The following NRXN1 variants were observed in gnomAD, a reference collection of about 807,000 sequenced individuals.
NRXN1 encodes neurexin 1.
Under a neutral mutation model 150.9 loss-of-function variants are expected in NRXN1, and 39 were observed. The observed-to-expected ratio is 0.26, with a 90% CI of 0.20 to 0.34. The LOEUF is 0.34. NRXN1 is among the 10% of genes least tolerant of loss of function. NRXN1 has a pLI of 1.00. For synonymous variants in NRXN1, 924 were observed against 757.0 expected, an observed-to-expected ratio of 1.22 and a Z score of -3.62; for missense variants, 1,815 against 1,949.9, an observed-to-expected ratio of 0.93 and a Z score of 1.30.
At chr2:50,086,837 AGAGAGAGAGAGAGC>A (rs1297244565) in intron 19 of NRXN1, among the ~76,000 whole-genome samples, 1 of 150,496 alleles carries the variant, frequency 6.6e-6, no homozygotes, top group South Asian at 2.1e-4. Flanking sequence ...AGAGAGAGAG[AGAGAGAGAGAGAGC>A]GAGCCGAAAA....
intron 19 of NRXN1, among the ~76,000 whole-genome samples, chr2:50,081,879 ACTT>A (rs1247251245): frequency 1.3e-5 from 2 of 152,160 alleles, no homozygotes; most frequent in African/African-American, 2.4e-5. Flanking sequence ...TGGGAATGTG[ACTT>A]CTTCTTCCAT....
intron 17 of NRXN1, among the ~76,000 whole-genome samples, chr2:50,399,523 G>A (rs1231743476): frequency 6.6e-6 from 1 of 151,828 alleles, no homozygotes; most frequent in Non-Finnish European, 1.5e-5. Flanking sequence ...TATTGGGAGA[G>A]CTTTTATAAG....
At chr2:50,385,935 C>A (rs113995645) in intron 17 of NRXN1, among the ~76,000 whole-genome samples, 10 of 151,278 alleles carry the variant, frequency 6.6e-5, no homozygotes, top group African/African-American at 2.4e-4. Flanking sequence ...ATATGCACTA[C>A]GAAAAGGTGG....
At chr2:50,080,449 AT>A (rs1697787415) in intron 19 of NRXN1, among the ~76,000 whole-genome samples, 1 of 152,022 alleles carries the variant, frequency 6.6e-6, no homozygotes, top group Admixed American at 6.6e-5. Context: ...ATACAGGGGG[AT>A]TATTGTACTT....
intron 18 of NRXN1, among the ~76,000 whole-genome samples, chr2:50,098,672 A>G (rs1298578842): frequency 1.3e-5 from 2 of 152,106 alleles, no homozygotes; most frequent in Admixed American, 6.5e-5. Flanking sequence ...GCCAATAATT[A>G]TGGGTACTGA....
chr2:50,926,238 T>C (rs543596568), intron 2 of NRXN1, among the ~76,000 whole-genome samples: 4 of 152,092 alleles, frequency 2.6e-5, no homozygotes, highest in South Asian at 4.2e-4. Context: ...GCAAACATTA[T>C]TGTTATTACA....
At chr2:50,012,066 C>T (rs1013667290) in intron 21 of NRXN1, among the ~76,000 whole-genome samples, 3 of 152,006 alleles carry the variant, frequency 2.0e-5, no homozygotes, top group Admixed American at 6.6e-5. Context: ...TAGCATTTTT[C>T]TATCTTAAAA....
rs183867517 is a variant in NRXN1, at chr2:50,585,730, C to T, written c.1321-32705G>A. On this transcript the variant is annotated intron_variant, in intron 8 of 22. Transcript: ENST00000401669. ...GATTCCAGTAAACAATTTTCATTCC[C>T]TAGTCACTATTTTTAATTGGTTTTT... 2.8e-3 allele frequency among the ~76,000 whole-genome samples: 428 copies of T among 152,226 alleles called. 4 individuals are homozygous for T. Among genetic ancestry groups the T allele is most frequent in the South Asian group, 0.017 (80 of 4,826 alleles).
intron 5 of NRXN1, among the ~76,000 whole-genome samples, chr2:50,759,453 TA>T (rs1368088787): frequency 2.6e-5 from 4 of 151,940 alleles, no homozygotes; most frequent in African/African-American, 7.2e-5. Flanking sequence ...CTAATTCTGC[TA>T]CCATCTTGGT....
chr2:50,536,688 G>A (rs947492988), intron 10 of NRXN1, among the ~76,000 whole-genome samples: 9 of 152,268 alleles, frequency 5.9e-5, no homozygotes, highest in Non-Finnish European at 1.0e-4. Flanking sequence ...GTGCAAGTCC[G>A]CTAATCTCAT....
intron 18 of NRXN1, among the ~76,000 whole-genome samples, chr2:50,186,929 G>T (rs999883911): frequency 6.6e-6 from 1 of 151,564 alleles, no homozygotes; most frequent in Non-Finnish European, 1.5e-5. Flanking sequence ...TGTTTATTTT[G>T]TCTATCCAGT....
chr2:50,207,045 G>T (rs2062649326), intron 18 of NRXN1, among the ~76,000 whole-genome samples: 1 of 151,742 alleles, frequency 6.6e-6, no homozygotes, highest in African/African-American at 2.4e-5. Flanking sequence ...TCTTCTTCAA[G>T]AAAAAATACA....
At chr2:51,004,501 C>CA (rs1270709191) in intron 2 of NRXN1, among the ~76,000 whole-genome samples, 2 of 151,728 alleles carry the variant, frequency 1.3e-5, no homozygotes, top group Admixed American at 1.3e-4. Context: ...ATGGAAGTAA[C>CA]TTTAAAGTAC....
At chr2:50,135,410 T>C (rs1271027671) in intron 18 of NRXN1, among the ~76,000 whole-genome samples, 2 of 152,172 alleles carry the variant, frequency 1.3e-5, no homozygotes, top group East Asian at 3.9e-4. Flanking sequence ...TAAAAGAAGC[T>C]GCCCAATCGC....
chr2:50,960,504 C>G (rs1293553703), intron 2 of NRXN1, among the ~76,000 whole-genome samples: 1 of 151,940 alleles, frequency 6.6e-6, no homozygotes, highest in African/African-American at 2.4e-5. Flanking sequence ...AAAATAAGCA[C>G]TGTGGTAAAC....
chr2:51,001,090 A>G (rs932846730), intron 2 of NRXN1, among the ~76,000 whole-genome samples: 1 of 151,932 alleles, frequency 6.6e-6, no homozygotes. Context: ...CCATTTGGTG[A>G]ATGAATAGAT....
At chr2:49,966,170 G>A (rs1676929384) in intron 21 of NRXN1, among the ~76,000 whole-genome samples, 1 of 152,186 alleles carries the variant, frequency 6.6e-6, no homozygotes, top group Non-Finnish European at 1.5e-5. Flanking sequence ...GGAACGAGCA[G>A]TATAGGCCCC....
intron 18 of NRXN1, among the ~76,000 whole-genome samples, chr2:50,236,577 C>CAAA (rs35377914): frequency 8.4e-6 from 1 of 118,916 alleles, no homozygotes. Context: ...ATTCACACTC[C>CAAA]AAAAAAAAAA....
intron 17 of NRXN1, among the ~76,000 whole-genome samples, chr2:50,308,292 TCTA>T (rs2074833387): frequency 6.6e-6 from 1 of 152,062 alleles, no homozygotes; most frequent in African/African-American, 2.4e-5. Context: ...TAACTACCTT[TCTA>T]CTGTTTCTAT....
Sources: allele counts gnomAD v4.1 joint callset (sites outside exome capture counted in the v4.1 genomes callset), GRCh38; gene constraint gnomAD v4.1.1; transcripts MANE v1.5; gene names NCBI Gene and HGNC (gene_info 2026-07-23, HGNC 2026-07-21).